Variants in PRKCSH observed in about 807,000 individuals in gnomAD.
PRKCSH encodes glucosidase 2 subunit beta.
In PRKCSH, 42 loss-of-function variants were observed where a neutral mutation model predicts 79.7. The ratio of observed to expected loss-of-function variants is 0.53; its 90% CI spans 0.41 to 0.68. The LOEUF is 0.68. PRKCSH is among the 30% of genes least tolerant of loss of function. The probability of loss-of-function intolerance (pLI) is 0.00; values close to 1 mark genes in which losing one functional copy is unlikely to be tolerated. For missense variants in PRKCSH, 686 were observed against 709.0 expected (o/e 0.97, Z 0.37); for synonymous variants, 325 against 288.2 (o/e 1.13, Z -1.29).
intron 7 of PRKCSH, among the ~76,000 whole-genome samples, chr19:11,442,728 G>A (rs909446574): frequency 1.3e-5 from 2 of 152,130 alleles, no homozygotes; most frequent in African/African-American, 4.8e-5. Flanking sequence ...TTGAAACAGC[G>A]TCTCCCTCTG....
At position 11,448,053 on chromosome 19, in the gene PRKCSH, G is replaced by A; in HGVS notation, c.1127-169G>A. 1 of 795,582 alleles carries A rather than the reference G, an allele frequency of 1.3e-6. No homozygotes were observed. 49.3% of individuals were successfully genotyped at this position (795,582 alleles called of 1,614,324 possible). A position where few individuals can be genotyped will look rare whatever the true frequency, so the allele number is the denominator to read the frequency against. On this transcript the variant is annotated intron_variant, in intron 12 of 17. Transcript: ENST00000677123. The surrounding 1 kb of genome is among the most constrained non-coding windows in gnomAD (Gnocchi z 4.4). ...CGCTCAGGAGCTGGGAGCCTGGGCA[G>A]CAAGTCGGGGCTGCTCTATAGCTGG...
Position 11,447,980 on chromosome 19 carries a change from C to T in PRKCSH, c.1126+191C>T, listed in dbSNP as rs1970401483. On this transcript the variant is annotated intron_variant, in intron 12 of 17. Coordinates refer to ENST00000677123, the MANE Select transcript of PRKCSH (RefSeq NM_001289104.2). The surrounding 1 kb of genome is among the most constrained non-coding windows in gnomAD (Gnocchi z 5.6). ...CCCTCGCCAGCCCCAAGGGGCCCTT[C>T]TGCCTCCCCAAGGGCCGCAGCTTGT... The T allele has an allele frequency of 1.3e-6, 1 of 784,132 alleles. No individual in the cohort carries two copies. The highest frequency in any genetic ancestry group is 1.8e-5 in the South Asian group (1 of 54,734). 48.6% of individuals were successfully genotyped at this position (784,132 alleles called of 1,614,324 possible). A position where few individuals can be genotyped will look rare whatever the true frequency, so the allele number is the denominator to read the frequency against.
intron 4 of PRKCSH, 27 bp downstream of exon 4, chr19:11,437,998 GA>G: frequency 1.2e-6 from 2 of 1,613,936 alleles, no homozygotes; most frequent in Non-Finnish European, 1.7e-6. Flanking sequence ...CAGGATTCTG[GA>G]AAGGTGGTAG....
chr19:11,447,416 C>A lies in PRKCSH; in HGVS notation c.850-23C>A, dbSNP rs747186853. 18 of 1,611,578 alleles carry A rather than the reference C, an allele frequency of 1.1e-5. No individual in the cohort carries two copies. The Admixed American group carries it at 1.8e-4, about 16-fold the overall frequency. On this transcript the variant is annotated intron_variant, in intron 10 of 17. Transcript: ENST00000677123. The surrounding 1 kb of genome is among the most constrained non-coding windows in gnomAD (Gnocchi z 5.6). Reference sequence around the variant, plus strand: ...TGGGTGGACCCTGAGTCCACAACACCGACCGCACTGCTCACCCGCCAGGCA... The same window carrying A: ...TGGGTGGACCCTGAGTCCACAACACAGACCGCACTGCTCACCCGCCAGGCA...
In PRKCSH at chr19:11,447,117, A is replaced by G. The variant is rs148340805; in HGVS notation, c.806A>G (p.Tyr269Cys). The change falls in exon 10 of 18, where the codon TAC (tyrosine) becomes TGC (cysteine). Residue 269 changes from tyrosine (Y) to cysteine (C), a missense_variant. Transcript: ENST00000677123. The surrounding 1 kb of genome is among the most constrained non-coding windows in gnomAD (Gnocchi z 5.6). ...GDTQTDATSF[Y>C]DRVWAAIRDK... The stretch of plus-strand genomic sequence containing the variant: ...ACACAGACAGACGCCACCTCTTTCT[A>G]CGACCGCGTCTGGGCCGCCATCAGG... 8.1e-6 allele frequency: 13 copies of G among 1,613,690 alleles called. No homozygotes were observed. The highest frequency in any genetic ancestry group is 4.5e-5 in the East Asian group (2 of 44,858).
Position 11,447,677 on chromosome 19 carries a change from C to T in PRKCSH, c.1030-16C>T. 6.4e-7 allele frequency: 1 copy of T among 1,562,056 alleles called. No homozygotes were observed. The highest frequency in any genetic ancestry group is 1.2e-5 in the South Asian group (1 of 84,344). On this transcript the variant is annotated splice_polypyrimidine_tract_variant and intron_variant, in intron 11 of 17. Transcript: ENST00000677123. The surrounding 1 kb of genome is among the most constrained non-coding windows in gnomAD (Gnocchi z 5.6). ...GGTGGGGGAAGGGCTACTCACTGAC[C>T]CTGCCCCTGCCCCAGGAGGCCCCAC...
chr19:11,441,666 C>T (rs979530801), intron 6 of PRKCSH, among the ~76,000 whole-genome samples: 15 of 152,248 alleles, frequency 9.9e-5, no homozygotes, highest in African/African-American at 3.4e-4. Context: ...TCTGTGGTGC[C>T]ATTGCCTGTA....
intron 5 of PRKCSH, among the ~76,000 whole-genome samples, chr19:11,438,413 G>C (rs187350498): frequency 6.6e-6 from 1 of 152,218 alleles, no homozygotes; most frequent in Admixed American, 6.5e-5. Context: ...CCATTGTCAC[G>C]CTCTGCAGCA....
At chr19:11,436,627 A>G (rs1204859434) in intron 3 of PRKCSH, 122 bp downstream of exon 3, 2 of 867,402 alleles carry the variant, frequency 2.3e-6, no homozygotes, top group African/African-American at 3.3e-5. Flanking sequence ...AAACAAGCTC[A>G]GAAGTCAGTG....
At chr19:11,438,013 G>A in intron 4 of PRKCSH, 42 bp downstream of exon 4, 1 of 1,613,906 alleles carries the variant, frequency 6.2e-7, no homozygotes, top group Non-Finnish European at 8.5e-7. Context: ...GTGGTAGAGG[G>A]AGGGAGGGAG....
Position 11,448,769 on chromosome 19 carries a change from G to A in PRKCSH, c.1286+140G>A, listed in dbSNP as rs867579396. The A allele has an allele frequency of 4.1e-5, 54 of 1,319,612 alleles. 1 individual carries two copies. The Middle Eastern group carries it at 7.5e-4, about 18-fold the overall frequency. The allele number at this position is 1,319,612 out of a possible 1,614,324, so 81.7% of individuals were successfully genotyped here. A position where few individuals can be genotyped will look rare whatever the true frequency, so the allele number is the denominator to read the frequency against. On this transcript the variant is annotated intron_variant, in intron 14 of 17. Transcript: ENST00000677123. The surrounding 1 kb of genome is among the most constrained non-coding windows in gnomAD (Gnocchi z 4.4). ...GTGCTGCCTTCCATATTGAGGGGGA[G>A]CAGAAGCCAGGGGCCAGGTTTAGGG... is the stretch of plus-strand genomic sequence containing the variant.
Position 11,449,512 on chromosome 19 carries a change from T to C in PRKCSH, c.*16+84T>C. 1.3e-6 allele frequency: 2 copies of C among 1,540,558 alleles called. No homozygotes were observed. The highest frequency in any genetic ancestry group is 1.8e-6 in the Non-Finnish European group (2 of 1,119,878). On this transcript the variant is annotated intron_variant, in intron 17 of 17. Transcript: ENST00000677123. The surrounding 1 kb of genome is among the most constrained non-coding windows in gnomAD (Gnocchi z 6.4). ...GAGGAAGATGGACCCACATGGCCAC[T>C]CTATCAACCTGTGTCCCCATGTTCC...
Position 11,447,550 on chromosome 19 carries a change from GA to G in PRKCSH, c.962del (p.Glu321GlyfsTer71). The G allele has an allele frequency of 6.2e-7, 1 of 1,605,256 alleles. No individual in the cohort carries two copies. Among genetic ancestry groups the G allele is most frequent in the African/African-American group, 1.3e-5 (1 of 74,902 alleles). ...PTEEEEEEEE[E>X]EEEEAEEEEE... is the part of the protein sequence containing the mutation. Reference sequence around the variant, plus strand: ...AGAGGAGGAGGAGGAGGAGGAGGAGGAGGAGGAAGAAGAGGCTGAAGAAGAG... The same window carrying G: ...AGAGGAGGAGGAGGAGGAGGAGGAGGGGAGGAAGAAGAGGCTGAAGAAGAG... On this transcript the variant is annotated frameshift_variant, in exon 11 of 18. Coordinates refer to ENST00000677123, the MANE Select transcript of PRKCSH (RefSeq NM_001289104.2). LOFTEE classifies it high-confidence loss of function. This position sits in a 1 kb window ranked among gnomAD's most constrained non-coding sequence, Gnocchi z 5.6.
intron 2 of PRKCSH, 54 bp downstream of exon 2, chr19:11,436,250 T>C (rs1969730771): frequency 6.2e-7 from 1 of 1,601,772 alleles, no homozygotes; most frequent in African/African-American, 1.3e-5. Context: ...GGGCCAACAT[T>C]GGGCCTTAGG....
At position 11,436,199 on chromosome 19, in the gene PRKCSH, G is replaced by A; in HGVS notation, c.79+3G>A. The A allele has an allele frequency of 6.3e-7, 1 of 1,583,066 alleles. No homozygotes were observed. The highest frequency in any genetic ancestry group is 8.6e-7 in the Non-Finnish European group (1 of 1,167,764). ...GCCCCGGGGCGTCTCCCTCACCAGT[G>A]AGTCCTCCTGTTCACCCTCCCGCCA... On this transcript the variant is annotated splice_donor_region_variant and intron_variant, in intron 2 of 17. Transcript: ENST00000677123.
intron 8 of PRKCSH, 58 bp downstream of exon 8, chr19:11,445,531 G>C: frequency 6.5e-7 from 1 of 1,529,444 alleles, no homozygotes; most frequent in East Asian, 2.3e-5. Flanking sequence ...TTCCCTCCCC[G>C]CCACCCTCGC....
At position 11,435,721 on chromosome 19, in the gene PRKCSH, G is replaced by C. The variant is rs1237001850; in HGVS notation, c.-78+15G>C. 7.5e-7 allele frequency: 1 copy of C among 1,331,778 alleles called. No homozygotes were observed. Among genetic ancestry groups the C allele is most frequent in the South Asian group, 1.2e-5 (1 of 81,396 alleles). 82.5% of individuals were successfully genotyped at this position (1,331,778 alleles called of 1,614,324 possible). On this transcript the variant is annotated intron_variant, in intron 1 of 17. Transcript: ENST00000677123. ...TCCGGCCTCGTGTAGGTGTGAACGA[G>C]CGGGTGGGAGGGCACCTCAGTTTCT...
Position 11,448,696 on chromosome 19 carries a change from C to T in PRKCSH, c.1286+67C>T, listed in dbSNP as rs751514390. 3.3e-4 allele frequency: 488 copies of T among 1,487,696 alleles called. No individual in the cohort carries two copies. The highest frequency in any genetic ancestry group is 7.1e-4 in the South Asian group (63 of 88,556). The allele number at this position is 1,487,696 out of a possible 1,614,324, so 92.2% of individuals were successfully genotyped here. A position where few individuals can be genotyped will look rare whatever the true frequency, so the allele number is the denominator to read the frequency against. On this transcript the variant is annotated intron_variant, in intron 14 of 17. Transcript: ENST00000677123. This position sits in a 1 kb window ranked among gnomAD's most constrained non-coding sequence, Gnocchi z 4.4. ...AGGCGGGTGGCCCCGGAAGTGGCAC[C>T]GGCAGTTTCCTGATGGTTGGGGAAC...
Position 11,445,448 on chromosome 19 carries a change from G to A in PRKCSH, c.658G>A (p.Glu220Lys). Residue 220 changes from glutamate (E) to lysine (K), a missense_variant, in exon 8 of 18, where the codon GAG becomes AAG. Coordinates refer to ENST00000677123, the MANE Select transcript of PRKCSH (RefSeq NM_001289104.2). ...EQELAADAFK[E>K]LDDDMDGTVS... ...GGAGCTGGCGGCTGATGCCTTCAAG[G>A]AGCTGGATGATGACATGGACGGGAC... is the stretch of plus-strand genomic sequence containing the variant. 1.2e-6 allele frequency: 2 copies of A among 1,614,082 alleles called. No individual in the cohort carries two copies. The highest frequency in any genetic ancestry group is 1.7e-6 in the Non-Finnish European group (2 of 1,180,034).
Sources: allele counts gnomAD v4.1 joint callset (sites outside exome capture counted in the v4.1 genomes callset), GRCh38; gene constraint gnomAD v4.1.1; non-coding constraint Gnocchi (gnomAD v3.1); transcripts MANE v1.5; gene names NCBI Gene and HGNC (gene_info 2026-07-23, HGNC 2026-07-21).